The following MAPT variants were observed in gnomAD, a reference collection of about 807,000 sequenced individuals.
MAPT encodes microtubule-associated protein tau.
MAPT carries 34 observed loss-of-function variants against 67.9 expected under a neutral mutation model. The observed-to-expected ratio is 0.50, with a 90% CI of 0.38 to 0.67. The LOEUF is 0.67. Ranked by LOEUF, MAPT falls within the 30% of genes least tolerant of loss-of-function variation. The probability of loss-of-function intolerance (pLI) is 0.00; values close to 1 mark genes in which losing one functional copy is unlikely to be tolerated. For missense variants in MAPT, 881 were observed against 1,115.2 expected, an observed-to-expected ratio of 0.79 and a Z score of 2.99; for synonymous variants, 456 against 464.5, an observed-to-expected ratio of 0.98 and a Z score of 0.23.
At chr17:45,942,916 G>A (rs62062771) in intron 1 of MAPT, among the ~76,000 whole-genome samples, 21,829 of 152,268 alleles carry the variant, frequency 0.14, 2,138 homozygotes, top group Non-Finnish European at 0.22. Context: ...AGGATTCGGA[G>A]TGGACTCCAG....
At chr17:45,933,478 G>C (rs890741592) in intron 1 of MAPT, among the ~76,000 whole-genome samples, 2 of 152,102 alleles carry the variant, frequency 1.3e-5, no homozygotes, top group Non-Finnish European at 2.9e-5. Flanking sequence ...GGCCTCAAGC[G>C]ATCTGCCCAT....
rs114729487 is a variant in MAPT at position 45,966,288 on chromosome 17, T to C, written c.133+3818T>C. ...AACTGTTCCAAAATAACAAGTTCGTTTAAAATTAACTCCAGGAGACCAGGT... is the reference window on the plus strand; with the variant it reads ...AACTGTTCCAAAATAACAAGTTCGTCTAAAATTAACTCCAGGAGACCAGGT... On this transcript the variant is annotated intron_variant, in intron 2 of 12. Coordinates refer to ENST00000262410, the MANE Select transcript of MAPT (RefSeq NM_001377265.1). Among the ~76,000 whole-genome samples the C allele has an allele frequency of 9.0e-3, 1,374 of 152,254 alleles. 17 individuals are homozygous for C. The highest frequency in any genetic ancestry group is 0.031 in the African/African-American group (1,296 of 41,530).
At chr17:45,957,410 C>A (rs2069861189) in intron 1 of MAPT, among the ~76,000 whole-genome samples, 1 of 152,172 alleles carries the variant, frequency 6.6e-6, no homozygotes, top group Non-Finnish European at 1.5e-5. Flanking sequence ...TTCACAAGTT[C>A]ATGGAGAGAG....
At chr17:45,969,666 A>G (rs995530715) in intron 2 of MAPT, among the ~76,000 whole-genome samples, 3 of 139,754 alleles carry the variant, frequency 2.1e-5, no homozygotes, top group African/African-American at 7.4e-5. Flanking sequence ...CCATCCATTC[A>G]TCCATCCATC....
At chr17:45,978,181 T>C in intron 3 of MAPT, 194 bp from the exon 4 acceptor site, 3 of 633,786 alleles carry the variant, frequency 4.7e-6, no homozygotes, top group African/African-American at 1.8e-5. Flanking sequence ...GCCTTTTGTT[T>C]AGTGAACTTT....
At chr17:45,914,439 G>A (rs901956319) in intron 1 of MAPT, among the ~76,000 whole-genome samples, 9 of 152,232 alleles carry the variant, frequency 5.9e-5, no homozygotes, top group South Asian at 2.1e-4. Context: ...GGCCTCTGAC[G>A]GAATGGAGCG....
intron 4 of MAPT, 148 bp from the exon 5 acceptor site, chr17:45,982,718 C>T (rs147554910): frequency 1.3e-5 from 3 of 227,672 alleles, no homozygotes; most frequent in Non-Finnish European, 1.5e-5. Context: ...GCAAAGGCAA[C>T]GAGACGAGCC....
intron 7 of MAPT, among the ~76,000 whole-genome samples, chr17:45,991,117 A>G (rs1370983374): frequency 6.6e-6 from 1 of 152,244 alleles, no homozygotes; most frequent in East Asian, 1.9e-4. Context: ...GCATATGTGT[A>G]GTGCACTAAT....
At chr17:45,985,460 A>G (rs2073444024) in intron 5 of MAPT, among the ~76,000 whole-genome samples, 1 of 152,196 alleles carries the variant, frequency 6.6e-6, no homozygotes, top group South Asian at 2.1e-4. Flanking sequence ...CTAGAGGTTC[A>G]TAGGTGTGTT....
chr17:46,017,689 C>T (rs62062283), intron 11 of MAPT, among the ~76,000 whole-genome samples: 1 of 148,124 alleles, frequency 6.8e-6, no homozygotes, highest in Non-Finnish European at 1.5e-5. Context: ...AAACTCCTGA[C>T]CTCAGGTGAT....
At chr17:46,013,186 C>G (rs1399068780) in intron 10 of MAPT, among the ~76,000 whole-genome samples, 1 of 152,166 alleles carries the variant, frequency 6.6e-6, no homozygotes, top group East Asian at 1.9e-4. Context: ...TCCTCGGGAG[C>G]TGACTGATAG....
At position 45,957,168 on chromosome 17, in the gene MAPT, G is replaced by A. The variant is rs917266304; in HGVS notation, c.-17-5153G>A. Among the ~76,000 whole-genome samples, 7 of 152,026 alleles carry A rather than the reference G, an allele frequency of 4.6e-5. No homozygotes were observed. In the East Asian group the frequency reaches 7.7e-4, roughly 17 times the overall value. On this transcript the variant is annotated intron_variant, in intron 1 of 12. Transcript: ENST00000262410. ...TCTAGTTCTAGATCCCTGAGGAATC[G>A]CCACACTGTCTTCCACAATGGTTGA... is the stretch of plus-strand genomic sequence containing the variant.
intron 9 of MAPT, chr17:45,999,683 G>T (rs748009013): frequency 1.3e-6 from 2 of 1,563,438 alleles, no homozygotes; most frequent in South Asian, 2.4e-5. Context: ...GCAGATGGGA[G>T]CCCCAGGTTA....
intron 1 of MAPT, among the ~76,000 whole-genome samples, chr17:45,901,690 C>T (rs2063622015): frequency 6.6e-6 from 1 of 152,100 alleles, no homozygotes; most frequent in African/African-American, 2.4e-5. Context: ...ACATAGATTT[C>T]CAAGATTTTA....
intron 1 of MAPT, among the ~76,000 whole-genome samples, chr17:45,937,956 G>T (rs774854087): frequency 6.6e-6 from 1 of 152,174 alleles, no homozygotes; most frequent in Non-Finnish European, 1.5e-5. Flanking sequence ...AGGCTTGGGG[G>T]ACCAAGGGTG....
intron 12 of MAPT, among the ~76,000 whole-genome samples, chr17:46,022,644 C>G (rs953420575): frequency 6.6e-6 from 1 of 152,150 alleles, no homozygotes; most frequent in Non-Finnish European, 1.5e-5. Flanking sequence ...TGAGAATGAC[C>G]GTGTCGGCCA....
chr17:46,010,823 C>T lies in MAPT; in HGVS notation c.2091+421C>T, dbSNP rs1427354696. On this transcript the variant is annotated intron_variant, in intron 10 of 12. Transcript: ENST00000262410. The surrounding 1 kb of genome is among the most constrained non-coding windows in gnomAD (Gnocchi z 4.7). ...GTGGCACCTGAGACTGGGCTGCCGC[C>T]TCCTCCCCCGACACCTGGGCAGGTT... 6.6e-6 allele frequency among the ~76,000 whole-genome samples: 1 copy of T among 152,244 alleles called. No homozygotes were observed. Among genetic ancestry groups the T allele is most frequent in the Non-Finnish European group, 1.5e-5 (1 of 68,050 alleles).
chr17:45,903,749 ATATATATTTTTTT>A lies in MAPT; in HGVS notation c.-18+9071_-18+9083del, dbSNP rs1412643253. Among the ~76,000 whole-genome samples, 14 of 75,072 alleles carry A rather than the reference ATATATATTTTTTT, an allele frequency of 1.9e-4. 1 individual carries two copies. The highest frequency in any genetic ancestry group is 3.3e-4 in the Non-Finnish European group (12 of 36,088). The allele number at this position is 75,072 out of a possible 152,430, so 49.3% of individuals were successfully genotyped here. A position where few individuals can be genotyped will look rare whatever the true frequency, so the allele number is the denominator to read the frequency against. On this transcript the variant is annotated intron_variant, in intron 1 of 12. Coordinates refer to ENST00000262410, the MANE Select transcript of MAPT (RefSeq NM_001377265.1). ...AAAAAAAAGGAATCTCTTTGGTTTT[ATATATATTTTTTT>A]TATATATATAATATATATTAAAATA...
At chr17:45,998,639 A>T (rs544197849) in intron 9 of MAPT, among the ~76,000 whole-genome samples, 1 of 151,952 alleles carries the variant, frequency 6.6e-6, no homozygotes, top group Non-Finnish European at 1.5e-5. Flanking sequence ...GGCTCTCTGG[A>T]CCCTCATCCA....
Sources: gnomAD v4.1 joint callset for allele counts (sites outside exome capture counted in the v4.1 genomes callset) on GRCh38, gnomAD v4.1.1 for gene constraint, Gnocchi (gnomAD v3.1) non-coding constraint, MANE v1.5 for transcripts, NCBI Gene and HGNC (gene_info 2026-07-23, HGNC 2026-07-21) for gene names.